The following NDST3 variants were observed in gnomAD, a reference collection of about 807,000 sequenced individuals.
NDST3 encodes the protein bifunctional heparan sulfate N-deacetylase/N-sulfotransferase 3.
A neutral mutation model predicts 96.1 loss-of-function variants in NDST3; 58 were observed. That is an observed-to-expected ratio of 0.60 (90% CI 0.49 to 0.75). The LOEUF is 0.75. Among genes scored for constraint, NDST3 ranks in the 30% least tolerant of loss-of-function variants. NDST3 has a pLI of 0.00. For synonymous variants in NDST3, 333 were observed against 359.7 expected (o/e 0.93, Z 0.84); for missense variants, 788 against 1,034.2 (o/e 0.76, Z 3.27).
At chr4:118,121,628 GA>G (rs1157821948) in intron 4 of NDST3, among the ~76,000 whole-genome samples, 1 of 152,148 alleles carries the variant, frequency 6.6e-6, no homozygotes, top group East Asian at 1.9e-4. Flanking sequence ...AGTGAGATGT[GA>G]AAAGTATTTC....
At chr4:118,193,697 G>T in intron 6 of NDST3, 1 of 1,309,370 alleles carries the variant, frequency 7.6e-7, no homozygotes, top group Non-Finnish European at 1.1e-6. Flanking sequence ...AGCCAGGTGG[G>T]CCTCTCCCCA....
At chr4:118,189,087 T>C (rs1737143318) in intron 6 of NDST3, among the ~76,000 whole-genome samples, 1 of 152,146 alleles carries the variant, frequency 6.6e-6, no homozygotes. Flanking sequence ...TCTCACTCTG[T>C]TACCCAGACT....
At chr4:118,205,180 T>C (rs10018706) in intron 6 of NDST3, among the ~76,000 whole-genome samples, 1,975 of 144,240 alleles carry the variant, frequency 0.014, 264 homozygotes, top group African/African-American at 0.048. Context: ...TGACAGTAAA[T>C]TCATTTGTGA....
intron 3 of NDST3, among the ~76,000 whole-genome samples, chr4:118,112,486 G>C (rs1178969900): frequency 6.6e-6 from 1 of 152,182 alleles, no homozygotes; most frequent in Non-Finnish European, 1.5e-5. Context: ...GAAACTCCAA[G>C]AGACTCTGCC....
intron 6 of NDST3, among the ~76,000 whole-genome samples, chr4:118,213,160 T>G (rs1159973642): frequency 6.6e-6 from 1 of 152,130 alleles, no homozygotes; most frequent in Non-Finnish European, 1.5e-5. Flanking sequence ...TCATGCAAAA[T>G]GAAAAGCAGT....
At chr4:118,126,783 T>C (rs1405561836) in intron 4 of NDST3, among the ~76,000 whole-genome samples, 1 of 151,988 alleles carries the variant, frequency 6.6e-6, no homozygotes, top group Non-Finnish European at 1.5e-5. Context: ...TTCTCCATAG[T>C]GGTTGTACTA....
At chr4:118,244,811 T>C (rs1741212793) in intron 12 of NDST3, among the ~76,000 whole-genome samples, 3 of 152,184 alleles carry the variant, frequency 2.0e-5, no homozygotes, top group South Asian at 4.1e-4. Context: ...CTTTTAAAGA[T>C]ATACAAAGTC....
At chr4:118,160,337 G>T (rs772177744) in intron 6 of NDST3, among the ~76,000 whole-genome samples, 1 of 152,068 alleles carries the variant, frequency 6.6e-6, no homozygotes, top group African/African-American at 2.4e-5. Context: ...TGAAGGAGGA[G>T]CTTCTGCACA....
At chr4:118,072,854 G>T (rs1052036548) in intron 2 of NDST3, among the ~76,000 whole-genome samples, 8 of 152,186 alleles carry the variant, frequency 5.3e-5, no homozygotes, top group African/African-American at 1.7e-4. Context: ...GTATGATATT[G>T]GCTGTGGGTT....
At chr4:118,056,962 T>C (rs762840946) in intron 2 of NDST3, among the ~76,000 whole-genome samples, 11 of 151,990 alleles carry the variant, frequency 7.2e-5, no homozygotes, top group Non-Finnish European at 1.5e-4. Context: ...CTTAAGTATG[T>C]ACTTAAGCAT....
intron 12 of NDST3, among the ~76,000 whole-genome samples, chr4:118,243,105 A>C (rs1197171094): frequency 1.3e-5 from 2 of 151,410 alleles, no homozygotes; most frequent in African/African-American, 4.9e-5. Context: ...TTTTAATTAC[A>C]TGGACTGAGC....
At chr4:118,132,533 C>G (rs1672003630) in intron 4 of NDST3, among the ~76,000 whole-genome samples, 1 of 152,116 alleles carries the variant, frequency 6.6e-6, no homozygotes, top group South Asian at 2.1e-4. Flanking sequence ...TCAGAGACCC[C>G]AAGAGCCTGC....
intron 8 of NDST3, among the ~76,000 whole-genome samples, chr4:118,232,427 C>T (rs1578850383): frequency 6.6e-6 from 1 of 151,716 alleles, no homozygotes; most frequent in Admixed American, 6.6e-5. Flanking sequence ...CTCAAGTGTT[C>T]AAGACTAGCC....
rs967942915 is a variant in NDST3, at chr4:118,204,725, CAT to C, written c.1540-19765_1540-19764del. On this transcript the variant is annotated intron_variant, in intron 6 of 13. Transcript: ENST00000296499. ...TTACATGTGAATATGTGTATATACA[CAT>C]GTGTCTTTGTGAATATAAATATAAA... Among the ~76,000 whole-genome samples the C allele has an allele frequency of 1.2e-4, 18 of 144,538 alleles. 1 individual carries two copies. The highest frequency in any genetic ancestry group is 3.6e-4 in the African/African-American group (14 of 39,114). The allele number at this position is 144,538 out of a possible 152,430, so 94.8% of individuals were successfully genotyped here. A position where few individuals can be genotyped will look rare whatever the true frequency, so the allele number is the denominator to read the frequency against.
At chr4:118,235,218 A>T (rs1264416075) in intron 9 of NDST3, among the ~76,000 whole-genome samples, 1 of 152,206 alleles carries the variant, frequency 6.6e-6, no homozygotes, top group Non-Finnish European at 1.5e-5. Context: ...CTGAATTGTT[A>T]AAACACTCCA....
At position 118,224,494 on chromosome 4, in the gene NDST3, A is replaced by T. The variant is rs766456492; in HGVS notation, c.1543A>T (p.Ser515Cys). 6 of 1,599,474 alleles carry T rather than the reference A, an allele frequency of 3.8e-6. No homozygotes were observed. The highest frequency in any genetic ancestry group is 5.1e-6 in the Non-Finnish European group (6 of 1,172,484). Residue 515 changes from serine to cysteine, a missense_variant, in exon 7 of 14, where the codon AGC becomes TGC. Ser to Cys is a moderately radical substitution (Grantham distance 112, BLOSUM62 -1). Transcript: ENST00000296499. Reference protein sequence around the residue: ...LFFTVVLNPISIFMTHLSNYG... With the variant: ...LFFTVVLNPICIFMTHLSNYG... ...GAAGTTCATTTGCTTTTTTCAGATCAGCATTTTCATGACCCATTTGTCCAA... is the reference window on the plus strand; with the variant it reads ...GAAGTTCATTTGCTTTTTTCAGATCTGCATTTTCATGACCCATTTGTCCAA...
chr4:118,093,352 A>G (rs527387179), intron 2 of NDST3, among the ~76,000 whole-genome samples: 23 of 152,054 alleles, frequency 1.5e-4, no homozygotes, highest in Admixed American at 7.9e-4. Context: ...AGCAACTGAC[A>G]CAAGACATGA....
At chr4:118,185,573 T>C (rs905315584) in intron 6 of NDST3, among the ~76,000 whole-genome samples, 2 of 152,028 alleles carry the variant, frequency 1.3e-5, no homozygotes, top group African/African-American at 2.4e-5. Context: ...AAAGAACAAT[T>C]TGCAAATCAG....
intron 1 of NDST3, among the ~76,000 whole-genome samples, chr4:118,043,048 G>A (rs534760887): frequency 6.6e-6 from 1 of 152,204 alleles, no homozygotes; most frequent in South Asian, 2.1e-4. Context: ...ATATACTTCC[G>A]TGGTGTCCAC....
Sources: allele counts gnomAD v4.1 joint callset (sites outside exome capture counted in the v4.1 genomes callset), GRCh38; gene constraint gnomAD v4.1.1; transcripts MANE v1.5; gene names NCBI Gene and HGNC (gene_info 2026-07-23, HGNC 2026-07-21).